The following CEP164 variants were observed in gnomAD, a reference collection of about 807,000 sequenced individuals.
CEP164 encodes centrosomal protein 164.
A neutral mutation model predicts 182.7 loss-of-function variants in CEP164; 162 were observed. The ratio of observed to expected loss-of-function variants is 0.89; its 90% CI spans 0.78 to 1.01. The LOEUF (loss-of-function observed/expected upper bound fraction) is 1.01, where lower values mean the gene tolerates loss of function less well. Ranked by LOEUF, CEP164 falls within the 50% of genes least tolerant of loss-of-function variation. The pLI is 0.00. For synonymous variants in CEP164, 661 were observed against 690.0 expected (o/e 0.96, Z 0.66); for missense variants, 1,735 against 1,790.4 (o/e 0.97, Z 0.56).
intron 11 of CEP164, among the ~76,000 whole-genome samples, chr11:117,376,555 A>G (rs879581472): frequency 3.9e-5 from 6 of 152,234 alleles, no homozygotes; most frequent in Admixed American, 3.9e-4. Flanking sequence ...GGCAAAATGG[A>G]AATTTGTTGG....
intron 8 of CEP164, among the ~76,000 whole-genome samples, chr11:117,369,220 G>T (rs965555625): frequency 1.3e-5 from 2 of 152,220 alleles, no homozygotes; most frequent in African/African-American, 4.8e-5. Flanking sequence ...CTGACAGTGT[G>T]CCAGTCACAA....
intron 1 of CEP164, among the ~76,000 whole-genome samples, chr11:117,329,875 C>T (rs1452770846): frequency 1.6e-5 from 2 of 129,030 alleles, no homozygotes; most frequent in African/African-American, 5.9e-5. Flanking sequence ...CTTTGCTAAG[C>T]CTCAGTTTCC....
chr11:117,349,964 G>A (rs1282125911), intron 4 of CEP164, among the ~76,000 whole-genome samples: 5 of 152,000 alleles, frequency 3.3e-5, no homozygotes, highest in Non-Finnish European at 5.9e-5. Context: ...TAGTAGAGAC[G>A]GAGTTTCACC....
At chr11:117,350,338 G>A (rs1452633521) in intron 4 of CEP164, among the ~76,000 whole-genome samples, 1 of 152,080 alleles carries the variant, frequency 6.6e-6, no homozygotes, top group Non-Finnish European at 1.5e-5. Context: ...TGAGTAACTG[G>A]GACTACAGAC....
At chr11:117,374,613 A>G (rs960356725) in intron 10 of CEP164, among the ~76,000 whole-genome samples, 1 of 152,218 alleles carries the variant, frequency 6.6e-6, no homozygotes, top group African/African-American at 2.4e-5. Flanking sequence ...AACTGAAAGG[A>G]AAATGTCACC....
chr11:117,390,218 C>T (rs918804180), intron 15 of CEP164, among the ~76,000 whole-genome samples: 9 of 151,916 alleles, frequency 5.9e-5, no homozygotes, highest in African/African-American at 1.2e-4. Context: ...GCTGGGATTA[C>T]GGGTGTGAGC....
intron 8 of CEP164, among the ~76,000 whole-genome samples, chr11:117,368,306 A>C (rs914703755): frequency 6.6e-6 from 1 of 152,216 alleles, no homozygotes; most frequent in South Asian, 2.1e-4. Context: ...TAGGAATTGC[A>C]TGGCAAAGTA....
chr11:117,373,621 C>G, intron 9 of CEP164, 130 bp from the exon 10 acceptor site: 1 of 766,892 alleles, frequency 1.3e-6, no homozygotes. Context: ...TTTAGGTTTT[C>G]AAGAAGAGTG....
At chr11:117,350,407 G>A (rs896463799) in intron 4 of CEP164, among the ~76,000 whole-genome samples, 2 of 152,068 alleles carry the variant, frequency 1.3e-5, no homozygotes, top group Non-Finnish European at 2.9e-5. Flanking sequence ...GTCTCACTGT[G>A]TTGCCCAGGC....
intron 1 of CEP164, among the ~76,000 whole-genome samples, chr11:117,331,488 C>T (rs1168746242): frequency 3.3e-5 from 5 of 152,132 alleles, no homozygotes; most frequent in Non-Finnish European, 5.9e-5. Context: ...ATTTTACTTT[C>T]AGGCTTTTTG....
intron 11 of CEP164, among the ~76,000 whole-genome samples, chr11:117,379,987 T>C (rs976835052): frequency 2.0e-5 from 3 of 151,834 alleles, no homozygotes; most frequent in African/African-American, 7.3e-5. Flanking sequence ...GGGGGCATCA[T>C]TGTCTGCTGA....
chr11:117,393,015 C>T lies in CEP164; in HGVS notation c.2505C>T (p.Leu835=), dbSNP rs1368347260. 5 of 1,613,258 alleles carry T rather than the reference C, an allele frequency of 3.1e-6. No homozygotes were observed. The highest frequency in any genetic ancestry group is 3.3e-5 in the Admixed American group (2 of 59,992). Residue 835 remains leucine (L), a synonymous_variant, in exon 20 of 33, where the codon CTC becomes CTT. Coordinates refer to ENST00000278935, the MANE Select transcript of CEP164 (RefSeq NM_014956.5). ...CATCTCCCCTGCAGCTCAGCAGTCT[C>T]CTGCGAGAGAAGCGCCAGGAAGTGG... ...VAGYEHELSS[L]LREKRQEVEG...
chr11:117,348,197 C>T (rs944061489), intron 4 of CEP164, among the ~76,000 whole-genome samples: 1 of 151,988 alleles, frequency 6.6e-6, no homozygotes, highest in Non-Finnish European at 1.5e-5. Context: ...GTCTTGAACT[C>T]CTAAGCTCAA....
At chr11:117,339,378 A>G (rs577235916) in intron 3 of CEP164, among the ~76,000 whole-genome samples, 1 of 152,286 alleles carries the variant, frequency 6.6e-6, no homozygotes, top group East Asian at 1.9e-4. Context: ...GGGGAAACCC[A>G]ATTTCCTAAG....
At chr11:117,364,444 C>T (rs941253114) in intron 8 of CEP164, among the ~76,000 whole-genome samples, 3 of 152,164 alleles carry the variant, frequency 2.0e-5, no homozygotes, top group African/African-American at 7.2e-5. Context: ...AATCACTTTA[C>T]CTTAAGAGCC....
rs1352888043 is a variant in CEP164 at position 117,409,242 on chromosome 11, T to C, written c.3748+214T>C. 13 of 643,886 alleles carry C rather than the reference T, an allele frequency of 2.0e-5. No homozygotes were observed. The highest frequency in any genetic ancestry group is 5.8e-5 in the Admixed American group (2 of 34,494). The allele number at this position is 643,886 out of a possible 1,614,324, so 39.9% of individuals were successfully genotyped here. A position where few individuals can be genotyped will look rare whatever the true frequency, so the allele number is the denominator to read the frequency against. On this transcript the variant is annotated intron_variant, in intron 29 of 32. Transcript: ENST00000278935. The surrounding 1 kb of genome is among the most constrained non-coding windows in gnomAD (Gnocchi z 4.4). ...AAGGTCAGGGAAGCCCTCTGAATGCTGCAGAGCACTCTACGGTGTGACCAC... is the reference window on the plus strand; with the variant it reads ...AAGGTCAGGGAAGCCCTCTGAATGCCGCAGAGCACTCTACGGTGTGACCAC...
chr11:117,383,029 G>A, intron 14 of CEP164, 87 bp downstream of exon 14: 1 of 1,469,576 alleles, frequency 6.8e-7, no homozygotes, highest in Non-Finnish European at 9.2e-7. Flanking sequence ...GGTGGGAGGT[G>A]GGGCTCAGGC....
chr11:117,407,901 CCT>C, intron 27 of CEP164, 22 bp from the exon 28 acceptor site: 2 of 1,553,374 alleles, frequency 1.3e-6, no homozygotes, highest in Non-Finnish European at 1.7e-6. Context: ...AGTCATTTCT[CCT>C]CTGTTTTCTC....
At chr11:117,371,795 C>CTTTTTTTTT (rs34338708) in intron 9 of CEP164, among the ~76,000 whole-genome samples, 4 of 138,392 alleles carry the variant, frequency 2.9e-5, no homozygotes, top group Non-Finnish European at 1.5e-5. Context: ...CCCTCTTGTA[C>CTTTTTTTTT]TTTTTTTTTT....
Sources: allele counts gnomAD v4.1 joint callset (sites outside exome capture counted in the v4.1 genomes callset), GRCh38; gene constraint gnomAD v4.1.1; non-coding constraint Gnocchi (gnomAD v3.1); transcripts MANE v1.5; gene names NCBI Gene and HGNC (gene_info 2026-07-23, HGNC 2026-07-21).